PTGER2: variants seen among roughly 807,000 people sequenced by gnomAD.
The protein encoded by PTGER2 is prostaglandin E2 receptor EP2 subtype.
Under a neutral mutation model 26.2 loss-of-function variants are expected in PTGER2, and 22 were observed. The observed-to-expected ratio is 0.84, with a 90% CI of 0.60 to 1.20. The LOEUF (loss-of-function observed/expected upper bound fraction) is 1.20, where lower values mean the gene tolerates loss of function less well. PTGER2 is among the 50% of genes most tolerant of loss of function. PTGER2 has a pLI of 0.00. For missense variants in PTGER2, 458 were observed against 475.2 expected, an observed-to-expected ratio of 0.96 and a Z score of 0.34; for synonymous variants, 219 against 208.9, an observed-to-expected ratio of 1.05 and a Z score of -0.42.
chr14:52,327,421 A>G lies in PTGER2; in HGVS notation c.1044A>G (p.Thr348=), dbSNP rs1261827245. The G allele has an allele frequency of 1.2e-6, 2 of 1,612,652 alleles. No homozygotes were observed. Among genetic ancestry groups the G allele is most frequent in the Admixed American group, 3.3e-5 (2 of 60,030 alleles). The change falls in exon 2 of 2, where the codon ACA becomes ACG. Residue 348 remains threonine, a synonymous_variant. Coordinates refer to ENST00000245457, the MANE Select transcript of PTGER2 (RefSeq NM_000956.4). ...ATGCAACACAAACTTCCTGTTCTAC[A>G]CAGTCAGATGCCAGTAAACAGGCTG... ...TQDATQTSCS[T]QSDASKQADL
At chr14:52,325,061 C>T (rs556386371) in intron 1 of PTGER2, among the ~76,000 whole-genome samples, 13 of 152,150 alleles carry the variant, frequency 8.5e-5, no homozygotes, top group East Asian at 5.8e-4. Context: ...ATCACTTGAA[C>T]GCAGGAGGCA....
At position 52,315,145 on chromosome 14, in the gene PTGER2, G is replaced by A; in HGVS notation, c.597G>A (p.Leu199=). Residue 199 remains leucine (L), a synonymous_variant, in exon 1 of 2, where the codon CTG becomes CTA. Coordinates refer to ENST00000245457, the MANE Select transcript of PTGER2 (RefSeq NM_000956.4). The part of the protein sequence containing the change: ...IRHGRTAYLQ[L]YATLLLLLIV... ...ACGGGCGGACCGCTTACCTGCAGCT[G>A]TACGCCACCCTGCTGCTGCTTCTCA... The A allele has an allele frequency of 6.2e-7, 1 of 1,608,608 alleles. No homozygotes were observed. Among genetic ancestry groups the A allele is most frequent in the Non-Finnish European group, 8.5e-7 (1 of 1,179,928 alleles).
At position 52,315,124 on chromosome 14, in the gene PTGER2, G is replaced by A. The variant is rs748194359; in HGVS notation, c.576G>A (p.Gly192=). The A allele has an allele frequency of 1.2e-6, 2 of 1,609,652 alleles. No individual in the cohort carries two copies. Among genetic ancestry groups the A allele is most frequent in the South Asian group, 1.1e-5 (1 of 91,080 alleles). The change falls in exon 1 of 2, where the codon GGG becomes GGA. Residue 192 remains glycine (G), a synonymous_variant. Transcript: ENST00000245457. ...GGACCTGGTGCTTCATCCGGCACGG[G>A]CGGACCGCTTACCTGCAGCTGTACG... is the stretch of plus-strand genomic sequence containing the variant. The part of the protein sequence containing the change: ...CPGTWCFIRH[G]RTAYLQLYAT...
At chr14:52,319,502 T>A (rs2033874271) in intron 1 of PTGER2, among the ~76,000 whole-genome samples, 1 of 152,224 alleles carries the variant, frequency 6.6e-6, no homozygotes, top group African/African-American at 2.4e-5. Flanking sequence ...CAACAACATA[T>A]TCCAAACTGT....
At chr14:52,318,457 G>A (rs539224475) in intron 1 of PTGER2, among the ~76,000 whole-genome samples, 1 of 152,212 alleles carries the variant, frequency 6.6e-6, no homozygotes, top group East Asian at 1.9e-4. Context: ...CAAAATATTA[G>A]TTATGTAAAA....
intron 1 of PTGER2, 101 bp downstream of exon 1, chr14:52,315,492 A>G (rs538119145): frequency 1.4e-6 from 2 of 1,438,308 alleles, no homozygotes; most frequent in Non-Finnish European, 1.9e-6. Flanking sequence ...ACTTTTTGCA[A>G]CTTGTAAAAA....
In PTGER2 at chr14:52,314,789, G is replaced by T; in HGVS notation, c.241G>T (p.Gly81Trp). 2 of 1,612,142 alleles carry T rather than the reference G, an allele frequency of 1.2e-6. No individual in the cohort carries two copies. The highest frequency in any genetic ancestry group is 1.7e-6 in the Non-Finnish European group (2 of 1,179,262). ...CGAGCTGGTGTTCACCGACCTGCTCGGGACCTGCCTCATCAGCCCAGTGGT... is the reference window on the plus strand; with the variant it reads ...CGAGCTGGTGTTCACCGACCTGCTCTGGACCTGCCTCATCAGCCCAGTGGT... ...VTELVFTDLL[G>W]TCLISPVVLA... is the part of the protein sequence containing the mutation. The change falls in exon 1 of 2, where the codon GGG becomes TGG. Residue 81 changes from glycine to tryptophan, a missense_variant. Transcript: ENST00000245457. The surrounding 1 kb of genome is among the most constrained non-coding windows in gnomAD (Gnocchi z 5.7).
chr14:52,327,153 A>G, intron 1 of PTGER2, 68 bp from the exon 2 acceptor site: 1 of 1,162,860 alleles, frequency 8.6e-7, no homozygotes, highest in Non-Finnish European at 1.2e-6. Context: ...AAGACATAAC[A>G]TAGGGTCTAA....
At chr14:52,319,382 A>G (rs984787829) in intron 1 of PTGER2, among the ~76,000 whole-genome samples, 3 of 152,232 alleles carry the variant, frequency 2.0e-5, no homozygotes, top group African/African-American at 7.2e-5. Context: ...TATCCCTCAC[A>G]TAAAATCTTT....
rs1254598 is a variant in PTGER2, at chr14:52,314,477, G to A, written c.-72G>A. The stretch of plus-strand genomic sequence containing the variant: ...TTTCCTCTGAGTCTCGGAACGCTCC[G>A]GCTCTCAGACCCTCTTCCTCCCAGG... On this transcript the variant is annotated 5_prime_UTR_variant, in exon 1 of 2. Transcript: ENST00000245457. The surrounding 1 kb of genome is among the most constrained non-coding windows in gnomAD (Gnocchi z 5.7). 1,044,546 of 1,373,758 alleles carry A rather than the reference G, an allele frequency of 0.76. 409,843 individuals are homozygous for A. The highest frequency in any genetic ancestry group is 0.82 in the Non-Finnish European group (864,623 of 1,056,684). The allele number at this position is 1,373,758 out of a possible 1,614,324, so 85.1% of individuals were successfully genotyped here.
At chr14:52,323,842 T>G (rs192690167) in intron 1 of PTGER2, among the ~76,000 whole-genome samples, 406 of 152,336 alleles carry the variant, frequency 2.7e-3, no homozygotes, top group Non-Finnish European at 4.4e-3. Context: ...TAAAATTCAC[T>G]TGACTCATTG....
At chr14:52,318,249 G>A (rs1324425127) in intron 1 of PTGER2, among the ~76,000 whole-genome samples, 3 of 152,154 alleles carry the variant, frequency 2.0e-5, no homozygotes, top group Admixed American at 2.0e-4. Context: ...AAAGGTTTAT[G>A]GTTGCCTTCA....
intron 1 of PTGER2, among the ~76,000 whole-genome samples, chr14:52,322,143 T>C (rs1424965575): frequency 6.6e-6 from 1 of 152,104 alleles, no homozygotes; most frequent in Non-Finnish European, 1.5e-5. Context: ...CTTTCTATTT[T>C]CCATAAGTGT....
chr14:52,327,354 TGC>T lies in PTGER2; in HGVS notation c.979_980del (p.Arg327PhefsTer27). On this transcript the variant is annotated frameshift_variant, in exon 2 of 2. Transcript: ENST00000245457. LOFTEE classifies it high-confidence loss of function. ...CTTAGGCCTCCTGTTCTGAGACTAATGCGTTCAGTCCTCTGTTGTCGGATTTC... is the reference window on the plus strand; with the variant it reads ...CTTAGGCCTCCTGTTCTGAGACTAATGTTCAGTCCTCTGTTGTCGGATTTC... 1.2e-6 allele frequency: 2 copies of T among 1,613,482 alleles called. No homozygotes were observed. The highest frequency in any genetic ancestry group is 1.7e-6 in the Non-Finnish European group (2 of 1,179,424).
At chr14:52,317,523 G>A (rs142245100) in intron 1 of PTGER2, among the ~76,000 whole-genome samples, 237 of 152,328 alleles carry the variant, frequency 1.6e-3, no homozygotes, top group African/African-American at 5.4e-3. Flanking sequence ...ATTAGGCCAA[G>A]GGCTGCTCCA....
intron 1 of PTGER2, among the ~76,000 whole-genome samples, chr14:52,319,713 T>C (rs2033876524): frequency 6.6e-6 from 1 of 152,236 alleles, no homozygotes; most frequent in Non-Finnish European, 1.5e-5. Flanking sequence ...CTCGCCACTT[T>C]TCTAATTGTG....
intron 1 of PTGER2, among the ~76,000 whole-genome samples, chr14:52,316,540 A>AAAGAG (rs1399006684): frequency 6.6e-6 from 1 of 152,188 alleles, no homozygotes; most frequent in Non-Finnish European, 1.5e-5. Flanking sequence ...ATCTTGGAGA[A>AAAGAG]AAGAGATGGG....
Position 52,314,646 on chromosome 14 carries a change from C to T in PTGER2, c.98C>T (p.Ser33Leu), listed in dbSNP as rs753095269. Residue 33 changes from serine to leucine, a missense_variant, in exon 1 of 2, where the codon TCG (serine) becomes TTG (leucine). By Grantham distance (145) the Ser-to-Leu change is moderately radical. Coordinates refer to ENST00000245457, the MANE Select transcript of PTGER2 (RefSeq NM_000956.4). The surrounding 1 kb of genome is among the most constrained non-coding windows in gnomAD (Gnocchi z 5.7). ...ESPAISSVMF[S>L]AGVLGNLIAL... ...CCAGCCATCAGCTCCGTCATGTTCT[C>T]GGCCGGGGTGCTGGGGAACCTCATA... 1.6e-5 allele frequency: 24 copies of T among 1,516,758 alleles called. No individual in the cohort carries two copies. Among genetic ancestry groups the T allele is most frequent in the East Asian group, 4.6e-5 (2 of 43,848 alleles). The allele number at this position is 1,516,758 out of a possible 1,614,324, so 94.0% of individuals were successfully genotyped here. A position where few individuals can be genotyped will look rare whatever the true frequency, so the allele number is the denominator to read the frequency against.
Position 52,314,318 on chromosome 14 carries a change from A to T in PTGER2, c.-231A>T. The T allele has an allele frequency of 2.9e-6, 1 of 342,264 alleles. No homozygotes were observed. Among genetic ancestry groups the T allele is most frequent in the Non-Finnish European group, 5.1e-6 (1 of 197,234 alleles). The allele number at this position is 342,264 out of a possible 1,614,324, so 21.2% of individuals were successfully genotyped here. ...GCTCCCGGCCTTGGCCGGCGCGGGTAGGCGCGGGAGCCTCGAGCGCCGCTC... is the reference window on the plus strand; with the variant it reads ...GCTCCCGGCCTTGGCCGGCGCGGGTTGGCGCGGGAGCCTCGAGCGCCGCTC... On this transcript the variant is annotated 5_prime_UTR_variant, in exon 1 of 2. Transcript: ENST00000245457. The surrounding 1 kb of genome is among the most constrained non-coding windows in gnomAD (Gnocchi z 5.7).
Sources: allele counts gnomAD v4.1 joint callset (sites outside exome capture counted in the v4.1 genomes callset), GRCh38; gene constraint gnomAD v4.1.1; non-coding constraint Gnocchi (gnomAD v3.1); transcripts MANE v1.5; gene names NCBI Gene and HGNC (gene_info 2026-07-23, HGNC 2026-07-21).